Variants in CAPS2 observed in about 807,000 individuals in gnomAD.
The protein encoded by CAPS2 is calcyphosin-2.
In CAPS2, 98 loss-of-function variants were observed where a neutral mutation model predicts 86.5. The ratio of observed to expected loss-of-function variants is 1.13; its 90% CI spans 0.96 to 1.34. The LOEUF (loss-of-function observed/expected upper bound fraction) is 1.34, where lower values mean the gene tolerates loss of function less well. Among genes scored for constraint, CAPS2 ranks in the 40% most tolerant of loss-of-function variants. The pLI is 0.00. For synonymous variants in CAPS2, 210 were observed against 225.1 expected (o/e 0.93, Z 0.60); for missense variants, 729 against 686.8 (o/e 1.06, Z -0.69).
chr12:75,363,006 G>T, intron 1 of CAPS2: 1 of 569,040 alleles, frequency 1.8e-6, no homozygotes, highest in Non-Finnish European at 3.2e-6. Flanking sequence ...CAACATTTAT[G>T]ACTTAATAAA....
chr12:75,310,374 G>A (rs148522255), intron 7 of CAPS2, among the ~76,000 whole-genome samples: 5 of 152,282 alleles, frequency 3.3e-5, no homozygotes, highest in African/African-American at 1.2e-4. Flanking sequence ...AAAGATATGA[G>A]CTAAAATGAG....
chr12:75,323,005 G>A (rs2040441369), exon 4 of CAPS2: 3 of 1,547,158 alleles, frequency 1.9e-6, no homozygotes, highest in Middle Eastern at 1.7e-4. Context: ...AGTATATGGA[G>A]TTTGACATGG....
chr12:75,298,772 A>G lies in CAPS2; in HGVS notation c.959T>C (p.Val320Ala), dbSNP rs376920121. 2,401 of 1,613,346 alleles carry G rather than the reference A, an allele frequency of 1.5e-3. 47 individuals carry two copies. In the South Asian group the frequency reaches 0.025, roughly 17 times the overall value. Residue 320 changes from valine (V) to alanine (A), a missense_variant, in exon 11 of 17, where the codon GTG becomes GCG. Physicochemically the swap from Val to Ala is moderately conservative, Grantham distance 64. Coordinates refer to ENST00000393284, the Ensembl canonical transcript of CAPS2. ...AATGCTTTTTTGAATAAAAGGAAGC[A>G]CATTTGTTCTAGAAAGTAAATGAAA...
chr12:75,297,048 C>CTCTTTCTTTCTTTCTTTTTT (rs2037025689), intron 11 of CAPS2, among the ~76,000 whole-genome samples: 1 of 152,124 alleles, frequency 6.6e-6, no homozygotes, highest in Non-Finnish European at 1.5e-5. Flanking sequence ...TTTCCTTTCT[C>CTCTTTCTTTCTTTCTTTTTT]TCTTTCTTTC....
rs777864287 is a variant in CAPS2, at chr12:75,298,960, T to C, written c.861A>G (p.Gly287=). ...CAATGAGCTCTCTGCAAGCATCACG[T>C]CCATTACTGGAAAAATAGAATGAAA... Residue 287 remains glycine, a synonymous_variant, in exon 10 of 17, where the codon GGA becomes GGG. Coordinates refer to ENST00000393284, the Ensembl canonical transcript of CAPS2. 3 of 1,579,646 alleles carry C rather than the reference T, an allele frequency of 1.9e-6. No individual in the cohort carries two copies. In the South Asian group the frequency reaches 3.5e-5, roughly 18 times the overall value.
intron 1 of CAPS2, among the ~76,000 whole-genome samples, chr12:75,387,616 G>T (rs916975431): frequency 6.6e-6 from 1 of 152,174 alleles, no homozygotes. Context: ...TAGAATTATG[G>T]AGGCTGAGAA....
intron 15 of CAPS2, among the ~76,000 whole-genome samples, chr12:75,284,708 G>C (rs992603578): frequency 3.9e-5 from 6 of 152,002 alleles, no homozygotes; most frequent in Admixed American, 3.3e-4. Context: ...TATGGAGCTA[G>C]TAATTTGTTA....
At chr12:75,330,562 C>A (rs557287766), upstream of CAPS2, among the ~76,000 whole-genome samples, 24 of 152,246 alleles carry the variant, frequency 1.6e-4, no homozygotes, top group South Asian at 5.0e-3. Flanking sequence ...TCTCAAGGAG[C>A]TTGCACTTAT....
intron 1 of CAPS2, among the ~76,000 whole-genome samples, chr12:75,348,253 ACAGTTAATAACC>A (rs1207424472): frequency 1.3e-5 from 2 of 152,320 alleles, no homozygotes; most frequent in East Asian, 3.9e-4. Context: ...GACTATAAAA[ACAGTTAATAACC>A]CAGCTCTTCA....
At chr12:75,288,919 C>A (rs1479399280) in intron 14 of CAPS2, among the ~76,000 whole-genome samples, 4 of 152,028 alleles carry the variant, frequency 2.6e-5, no homozygotes, top group African/African-American at 9.7e-5. Context: ...ATAGAAAGGA[C>A]CAAGGATCAG....
chr12:75,369,798 TTTTAA>T, intron 1 of CAPS2: 1 of 982,098 alleles, frequency 1.0e-6, no homozygotes. Flanking sequence ...TCGTAAAGAG[TTTTAA>T]GTACTGTAGG....
At chr12:75,281,882 A>G (rs868369742) in intron 16 of CAPS2, among the ~76,000 whole-genome samples, 1 of 152,144 alleles carries the variant, frequency 6.6e-6, no homozygotes, top group African/African-American at 2.4e-5. Flanking sequence ...ACACTCCTTC[A>G]TTCTGCTTAA....
upstream of CAPS2, among the ~76,000 whole-genome samples, chr12:75,328,141 C>A (rs185945611): frequency 2.6e-3 from 392 of 152,170 alleles, 1 homozygote; most frequent in Admixed American, 4.4e-3. Flanking sequence ...CACAAAGAAG[C>A]AACTTTTAAA....
rs1340855379 is a variant in CAPS2 at position 75,325,355 on chromosome 12, T to C, written c.82-67A>G. The stretch of plus-strand genomic sequence containing the variant: ...AATATACCCTTTATACTTTAAGAGA[T>C]ACACAATAAGTCAATGCAATAAAGC... On this transcript the variant is annotated intron_variant, in intron 1 of 16. Coordinates refer to ENST00000393284, the Ensembl canonical transcript of CAPS2. 9 of 1,154,206 alleles carry C rather than the reference T, an allele frequency of 7.8e-6. No homozygotes were observed. The African/African-American group carries it at 1.1e-4, about 14-fold the overall frequency. The allele number at this position is 1,154,206 out of a possible 1,614,324, so 71.5% of individuals were successfully genotyped here. A position where few individuals can be genotyped will look rare whatever the true frequency, so the allele number is the denominator to read the frequency against.
At chr12:75,314,313 A>G (rs1171526906) in intron 6 of CAPS2, among the ~76,000 whole-genome samples, 1 of 152,320 alleles carries the variant, frequency 6.6e-6, no homozygotes, top group South Asian at 2.1e-4. Flanking sequence ...TATTTAGCCT[A>G]TATTATAGGC....
chr12:75,325,409 T>G, intron 1 of CAPS2, 121 bp from the exon 3 acceptor site: 2 of 839,682 alleles, frequency 2.4e-6, no homozygotes, highest in Admixed American at 6.2e-5. Context: ...GTAAATTCTA[T>G]ATAATAAATA....
At chr12:75,390,211 G>GTTTTTTT in intron 1 of CAPS2, 1 of 403,478 alleles carries the variant, frequency 2.5e-6, no homozygotes, top group Non-Finnish European at 4.9e-6. Flanking sequence ...GTTTTGTTTT[G>GTTTTTTT]TTTTGTTTTT....
intron 16 of CAPS2, among the ~76,000 whole-genome samples, chr12:75,281,656 T>C (rs927392417): frequency 6.6e-6 from 1 of 152,082 alleles, no homozygotes; most frequent in Non-Finnish European, 1.5e-5. Context: ...AATGATAATT[T>C]TGACTTCTAT....
chr12:75,287,885 G>T (rs1482614906), intron 14 of CAPS2, among the ~76,000 whole-genome samples: 1 of 152,160 alleles, frequency 6.6e-6, no homozygotes, highest in Non-Finnish European at 1.5e-5. Flanking sequence ...TGCAGAGTGT[G>T]TTGGGGGAAG....
Sources: gnomAD v4.1 joint callset for allele counts (sites outside exome capture counted in the v4.1 genomes callset) on GRCh38, gnomAD v4.1.1 for gene constraint, MANE v1.5 for transcripts, NCBI Gene and HGNC (gene_info 2026-07-23, HGNC 2026-07-21) for gene names.